Variants in PPP2R3A observed in about 807,000 individuals in gnomAD.
The protein encoded by PPP2R3A is serine/threonine-protein phosphatase 2A regulatory subunit B'' subunit alpha.
PPP2R3A carries 80 observed loss-of-function variants against 106.9 expected under a neutral mutation model. The observed-to-expected ratio is 0.75, with a 90% CI of 0.62 to 0.90. The LOEUF is 0.90. PPP2R3A is among the 40% of genes least tolerant of loss of function. The pLI is 0.00. For synonymous variants in PPP2R3A, 483 were observed against 468.3 expected, an observed-to-expected ratio of 1.03 and a Z score of -0.41; for missense variants, 1,386 against 1,350.4, an observed-to-expected ratio of 1.03 and a Z score of -0.41.
At chr3:136,020,382 CAT>C (rs1418251653) in intron 2 of PPP2R3A, among the ~76,000 whole-genome samples, 1 of 151,982 alleles carries the variant, frequency 6.6e-6, no homozygotes, top group East Asian at 1.9e-4. Context: ...AGTTCTGTGA[CAT>C]ATTTCTTTGA....
intron 13 of PPP2R3A, among the ~76,000 whole-genome samples, chr3:136,133,308 A>G (rs1259840387): frequency 6.6e-6 from 1 of 152,184 alleles, no homozygotes; most frequent in Non-Finnish European, 1.5e-5. Context: ...CAAAAAGACT[A>G]ATATCTCAAT....
chr3:136,001,343 A>G lies in PPP2R3A; in HGVS notation c.-156A>G, dbSNP rs1275831435. ...TCCTGATAGTGACCAAACCTCAAAT[A>G]TAAATGGTTTCCCTTCATGGGAAAA... On this transcript the variant is annotated 5_prime_UTR_variant, in exon 2 of 14. In the 5' UTR this introduces an upstream ATG that the reference lacks. Coordinates refer to ENST00000264977, the MANE Select transcript of PPP2R3A (RefSeq NM_002718.5). 6.1e-6 allele frequency: 4 copies of G among 652,770 alleles called. No individual in the cohort carries two copies. The Admixed American group carries it at 1.2e-4, about 20-fold the overall frequency. The allele number at this position is 652,770 out of a possible 1,614,324, so 40.4% of individuals were successfully genotyped here.
chr3:136,020,432 A>T (rs1222678281), intron 2 of PPP2R3A, among the ~76,000 whole-genome samples: 3 of 152,054 alleles, frequency 2.0e-5, no homozygotes, highest in Non-Finnish European at 4.4e-5. Context: ...TCTGATTTGT[A>T]GTTTTAGTTT....
chr3:136,114,518 A>G (rs763842670), intron 13 of PPP2R3A, among the ~76,000 whole-genome samples: 5 of 152,200 alleles, frequency 3.3e-5, no homozygotes, highest in Non-Finnish European at 7.3e-5. Flanking sequence ...AGAACCCAGC[A>G]AACTAAGATC....
At chr3:136,109,669 G>A (rs1191137951) in intron 13 of PPP2R3A, among the ~76,000 whole-genome samples, 4 of 152,072 alleles carry the variant, frequency 2.6e-5, no homozygotes, top group Non-Finnish European at 4.4e-5. Context: ...CATTAATATA[G>A]TAATATAGAC....
Position 136,082,441 on chromosome 3 carries a change from C to G in PPP2R3A, c.2788+20C>G. 6.2e-7 allele frequency: 1 copy of G among 1,606,442 alleles called. No homozygotes were observed. Among genetic ancestry groups the G allele is most frequent in the South Asian group, 1.1e-5 (1 of 90,552 alleles). ...ACCAGGGTAAGTGATTCTGTAGATGCTAAGACTTAACCATTTTAAAGAGTT... is the reference window on the plus strand; with the variant it reads ...ACCAGGGTAAGTGATTCTGTAGATGGTAAGACTTAACCATTTTAAAGAGTT... On this transcript the variant is annotated intron_variant, in intron 8 of 13. Transcript: ENST00000264977.
chr3:136,136,090 A>ACG (rs1938614294), intron 13 of PPP2R3A, among the ~76,000 whole-genome samples: 1 of 131,574 alleles, frequency 7.6e-6, no homozygotes, highest in Non-Finnish European at 1.6e-5. Flanking sequence ...ATATATATAT[A>ACG]TATAAAAAAC....
chr3:136,128,069 T>C (rs2400727), intron 13 of PPP2R3A, among the ~76,000 whole-genome samples: 1 of 151,986 alleles, frequency 6.6e-6, no homozygotes, highest in Admixed American at 6.6e-5. Context: ...ATGCCAAATT[T>C]TAAAGACCAT....
chr3:136,012,000 C>T (rs1346846922), intron 2 of PPP2R3A, among the ~76,000 whole-genome samples: 1 of 151,720 alleles, frequency 6.6e-6, no homozygotes, highest in Non-Finnish European at 1.5e-5. Flanking sequence ...CACATACACA[C>T]ACACACACAC....
At chr3:136,090,161 C>A (rs1196932621) in intron 9 of PPP2R3A, among the ~76,000 whole-genome samples, 1 of 152,108 alleles carries the variant, frequency 6.6e-6, no homozygotes, top group Non-Finnish European at 1.5e-5. Flanking sequence ...TGAGAGTGGT[C>A]ATCCTTGTCT....
intron 1 of PPP2R3A, among the ~76,000 whole-genome samples, chr3:135,973,844 A>G (rs981763832): frequency 2.6e-5 from 4 of 152,178 alleles, no homozygotes; most frequent in African/African-American, 4.8e-5. Context: ...GTGCCTTTTA[A>G]TATAAGACCA....
chr3:136,084,724 G>GCC (rs1936877571), intron 8 of PPP2R3A, among the ~76,000 whole-genome samples: 1 of 152,244 alleles, frequency 6.6e-6, no homozygotes, highest in Admixed American at 6.5e-5. Context: ...AAGGCCATGG[G>GCC]AACCTGCCTC....
At chr3:136,096,014 A>G (rs1937206778) in intron 10 of PPP2R3A, among the ~76,000 whole-genome samples, 1 of 152,214 alleles carries the variant, frequency 6.6e-6, no homozygotes, top group South Asian at 2.1e-4. Context: ...CTCAGAACAC[A>G]TCTTAGCCTA....
chr3:136,032,246 A>G (rs76213425), intron 3 of PPP2R3A, among the ~76,000 whole-genome samples: 1 of 152,068 alleles, frequency 6.6e-6, no homozygotes, highest in Non-Finnish European at 1.5e-5. Flanking sequence ...TTGGTTAGGT[A>G]TATTGCTAAG....
chr3:136,006,980 C>A (rs947417933), intron 2 of PPP2R3A, among the ~76,000 whole-genome samples: 1 of 152,186 alleles, frequency 6.6e-6, no homozygotes, highest in Non-Finnish European at 1.5e-5. Flanking sequence ...GAGTAAGAAG[C>A]CTACCTGTCC....
chr3:136,039,172 A>G (rs1050873282), intron 3 of PPP2R3A, among the ~76,000 whole-genome samples: 6 of 152,136 alleles, frequency 3.9e-5, no homozygotes, highest in Non-Finnish European at 8.8e-5. Flanking sequence ...AGCTTCACCT[A>G]AGCCTAAGGT....
chr3:135,983,839 C>G (rs571743987), intron 1 of PPP2R3A, among the ~76,000 whole-genome samples: 1 of 152,194 alleles, frequency 6.6e-6, no homozygotes. Flanking sequence ...AGTATACTTA[C>G]AAAGTTTGAC....
At chr3:135,969,132 A>G (rs766177105) in intron 1 of PPP2R3A, among the ~76,000 whole-genome samples, 1 of 152,158 alleles carries the variant, frequency 6.6e-6, no homozygotes, top group Non-Finnish European at 1.5e-5. Flanking sequence ...ATGCGTGTAT[A>G]TGTGTATATA....
chr3:136,096,562 T>C (rs1056823884), intron 10 of PPP2R3A, among the ~76,000 whole-genome samples: 1 of 152,268 alleles, frequency 6.6e-6, no homozygotes, highest in African/African-American at 2.4e-5. Context: ...GTCATCTGGC[T>C]AGATATCATC....
Sources: gnomAD v4.1 joint callset for allele counts (sites outside exome capture counted in the v4.1 genomes callset) on GRCh38, gnomAD v4.1.1 for gene constraint, MANE v1.5 for transcripts, NCBI Gene and HGNC (gene_info 2026-07-23, HGNC 2026-07-21) for gene names.